ATP10B: variants seen among roughly 807,000 people sequenced by gnomAD.
ATP10B encodes ATPase phospholipid transporting 10B (putative), also known as phospholipid-transporting ATPase VB.
ATP10B carries 122 observed loss-of-function variants against 141.2 expected under a neutral mutation model. That is an observed-to-expected ratio of 0.86 (90% confidence interval 0.75 to 1.00). ATP10B has a LOEUF of 1.00. Ranked by LOEUF, ATP10B falls within the 50% of genes least tolerant of loss-of-function variation. The pLI, the probability that ATP10B is intolerant of heterozygous loss-of-function variation, is 0.00. For missense variants in ATP10B, 1,876 were observed against 1,825.3 expected, an observed-to-expected ratio of 1.03 and a Z score of -0.51; for synonymous variants, 685 against 692.0, an observed-to-expected ratio of 0.99 and a Z score of 0.16.
At chr5:160,721,742 A>T (rs1454045209) in intron 2 of ATP10B, among the ~76,000 whole-genome samples, 1 of 152,190 alleles carries the variant, frequency 6.6e-6, no homozygotes, top group Non-Finnish European at 1.5e-5. Flanking sequence ...TTTTGACTTT[A>T]TATTCCCCGA....
intron 24 of ATP10B, among the ~76,000 whole-genome samples, chr5:160,587,519 C>A (rs968777978): frequency 6.6e-6 from 1 of 152,148 alleles, no homozygotes; most frequent in Non-Finnish European, 1.5e-5. Context: ...TTACTTTGGG[C>A]AGTATGGCCA....
chr5:160,676,802 T>A (rs1459256374), intron 6 of ATP10B, among the ~76,000 whole-genome samples: 1 of 152,236 alleles, frequency 6.6e-6, no homozygotes, highest in Non-Finnish European at 1.5e-5. Flanking sequence ...TTAACCTCCA[T>A]TACAGGTTAG....
At chr5:160,651,188 TC>T (rs1760707163) in intron 7 of ATP10B, among the ~76,000 whole-genome samples, 1 of 152,172 alleles carries the variant, frequency 6.6e-6, no homozygotes, top group African/African-American at 2.4e-5. Context: ...TAAAGAAGGC[TC>T]CCCATGGTCA....
chr5:160,909,091 T>C, the ATP10B span, among the ~76,000 whole-genome samples: 1 of 152,108 alleles, frequency 6.6e-6, no homozygotes, highest in Non-Finnish European at 1.5e-5. Flanking sequence ...CCTATGATTT[T>C]ATGGGGGGTC....
intron 1 of ATP10B, among the ~76,000 whole-genome samples, chr5:160,835,208 C>T (rs182872160): frequency 4.4e-4 from 67 of 152,042 alleles, no homozygotes; most frequent in African/African-American, 1.6e-3. Flanking sequence ...AAAAATAACT[C>T]GAGATAGAGA....
At chr5:160,831,894 T>C (rs769944519) in intron 1 of ATP10B, among the ~76,000 whole-genome samples, 1 of 152,164 alleles carries the variant, frequency 6.6e-6, no homozygotes, top group Non-Finnish European at 1.5e-5. Context: ...CTTTTCTTTA[T>C]GGCTTCCCAG....
chr5:160,769,949 TAA>T (rs1769762315), intron 2 of ATP10B, among the ~76,000 whole-genome samples: 1 of 152,134 alleles, frequency 6.6e-6, no homozygotes, highest in South Asian at 2.1e-4. Flanking sequence ...TCTAAAGGCT[TAA>T]GAGAACAGCT....
chr5:160,819,158 AGAAG>A (rs1370307284), intron 1 of ATP10B, among the ~76,000 whole-genome samples: 3 of 152,174 alleles, frequency 2.0e-5, no homozygotes, highest in Non-Finnish European at 2.9e-5. Context: ...TAAAAATAAA[AGAAG>A]GAATCTTAAA....
the ATP10B span, among the ~76,000 whole-genome samples, chr5:160,911,244 A>G: frequency 6.6e-6 from 1 of 152,182 alleles, no homozygotes; most frequent in Non-Finnish European, 1.5e-5. Flanking sequence ...AGGAGATACA[A>G]CTCAAAACTA....
intron 2 of ATP10B, among the ~76,000 whole-genome samples, chr5:160,761,504 C>A (rs1284556577): frequency 6.6e-6 from 1 of 152,172 alleles, no homozygotes; most frequent in Non-Finnish European, 1.5e-5. Flanking sequence ...CAGTCTGGCT[C>A]TTAGGAAGCC....
At chr5:160,685,207 C>A (rs1343248997) in intron 6 of ATP10B, 1 of 601,490 alleles carries the variant, frequency 1.7e-6, no homozygotes, top group South Asian at 2.0e-5. Flanking sequence ...CCTTTTCCTC[C>A]CTTCCTTTTT....
the ATP10B span, among the ~76,000 whole-genome samples, chr5:160,896,932 T>C: frequency 1.3e-5 from 2 of 152,126 alleles, no homozygotes; most frequent in Non-Finnish European, 1.5e-5. Flanking sequence ...ACAGAACCAA[T>C]GACAAACACC....
intron 3 of ATP10B, among the ~76,000 whole-genome samples, chr5:160,705,565 A>G (rs1326375649): frequency 6.6e-6 from 1 of 152,066 alleles, no homozygotes; most frequent in Non-Finnish European, 1.5e-5. Context: ...CCCAGCCCCA[A>G]CTTTTCTTCT....
intron 7 of ATP10B, 71 bp from the exon 8 acceptor site, chr5:160,649,327 C>T: frequency 9.2e-7 from 1 of 1,091,154 alleles, no homozygotes; most frequent in Non-Finnish European, 1.4e-6. Context: ...ACTGGGAGAG[C>T]TAATCACTGT....
intron 2 of ATP10B, among the ~76,000 whole-genome samples, chr5:160,726,605 G>A (rs1766377156): frequency 7.3e-6 from 1 of 136,300 alleles, no homozygotes; most frequent in Non-Finnish European, 1.5e-5. Context: ...TGTCCTGAGA[G>A]AAGATAGAGA....
chr5:160,595,900 A>G (rs1756656327), intron 22 of ATP10B, among the ~76,000 whole-genome samples: 2 of 151,900 alleles, frequency 1.3e-5, no homozygotes, highest in African/African-American at 2.4e-5. Flanking sequence ...GCAATAATCA[A>G]TAGCTTACCA....
At chr5:160,568,199 G>C (rs1754666202) in intron 25 of ATP10B, among the ~76,000 whole-genome samples, 1 of 152,148 alleles carries the variant, frequency 6.6e-6, no homozygotes, top group African/African-American at 2.4e-5. Context: ...GTGATGAATA[G>C]GTAGCTAGAA....
intron 15 of ATP10B, among the ~76,000 whole-genome samples, chr5:160,619,627 C>T (rs1315817302): frequency 1.3e-5 from 2 of 152,206 alleles, no homozygotes; most frequent in Non-Finnish European, 2.9e-5. Flanking sequence ...CTGGAATCTA[C>T]TATCCTGGGA....
At chr5:160,753,256 C>A (rs4921323) in intron 2 of ATP10B, among the ~76,000 whole-genome samples, 1 of 151,928 alleles carries the variant, frequency 6.6e-6, no homozygotes, top group Non-Finnish European at 1.5e-5. Flanking sequence ...ACCATGGGTG[C>A]AACTCAGTAT....
Sources: allele counts gnomAD v4.1 joint callset (sites outside exome capture counted in the v4.1 genomes callset), GRCh38; gene constraint gnomAD v4.1.1; transcripts MANE v1.5; gene names NCBI Gene and HGNC (gene_info 2026-07-23, HGNC 2026-07-21).